Variants in DDC observed in about 807,000 individuals in gnomAD.
The protein encoded by DDC is dopa decarboxylase.
In DDC, 43 loss-of-function variants were observed where a neutral mutation model predicts 60.0. That is an observed-to-expected ratio of 0.72 (90% CI 0.56 to 0.92). DDC has a LOEUF of 0.92. Among genes scored for constraint, DDC ranks in the 40% least tolerant of loss-of-function variants. The pLI is 0.00. For synonymous variants in DDC, 232 were observed against 234.6 expected (o/e 0.99, Z 0.10); for missense variants, 573 against 620.2 (o/e 0.92, Z 0.81).
chr7:50,487,970 A>G (rs757864369), intron 9 of DDC, among the ~76,000 whole-genome samples: 1 of 152,152 alleles, frequency 6.6e-6, no homozygotes, highest in Non-Finnish European at 1.5e-5. Context: ...GGCATTTAAT[A>G]TTGTTGGTTT....
chr7:50,562,489 G>A (rs941070032), intron 1 of DDC, among the ~76,000 whole-genome samples: 36 of 152,250 alleles, frequency 2.4e-4, no homozygotes, highest in African/African-American at 8.7e-4. Context: ...CCCCAGCCGT[G>A]AGCATTGGAG....
chr7:50,460,548 G>A (rs1411126776), intron 14 of DDC, among the ~76,000 whole-genome samples: 2 of 151,618 alleles, frequency 1.3e-5, no homozygotes, highest in Non-Finnish European at 2.9e-5. Flanking sequence ...TCTGGGAGGT[G>A]TACCCAACAG....
At chr7:50,474,987 C>T (rs890554740) in intron 11 of DDC, among the ~76,000 whole-genome samples, 47 of 152,346 alleles carry the variant, frequency 3.1e-4, no homozygotes, top group African/African-American at 1.1e-3. Context: ...GGGACTTTCC[C>T]AGGGAAGTAG....
At chr7:50,488,313 T>C (rs2153537722) in intron 9 of DDC, among the ~76,000 whole-genome samples, 1 of 152,108 alleles carries the variant, frequency 6.6e-6, no homozygotes, top group South Asian at 2.1e-4. Flanking sequence ...AAAAACAATG[T>C]TTTCTTATTA....
intron 4 of DDC, 88 bp downstream of exon 4, chr7:50,537,772 A>C: frequency 6.6e-7 from 1 of 1,507,296 alleles, no homozygotes; most frequent in Admixed American, 1.7e-5. Context: ...ACTAACAAGA[A>C]GCATGAGTGC....
At chr7:50,464,839 T>C (rs1040270776) in intron 13 of DDC, among the ~76,000 whole-genome samples, 6 of 152,144 alleles carry the variant, frequency 3.9e-5, no homozygotes, top group African/African-American at 1.4e-4. Flanking sequence ...TGAGAGGACC[T>C]GAAATTCAGA....
chr7:50,551,269 C>A (rs1464322425), intron 1 of DDC, among the ~76,000 whole-genome samples: 1 of 145,312 alleles, frequency 6.9e-6, no homozygotes, highest in Admixed American at 7.1e-5. Context: ...CTCACTCTGT[C>A]GCCTAGGCTG....
At chr7:50,508,857 T>C (rs2043472093) in intron 6 of DDC, among the ~76,000 whole-genome samples, 1 of 152,068 alleles carries the variant, frequency 6.6e-6, no homozygotes, top group South Asian at 2.1e-4. Flanking sequence ...TGGCTGCCAG[T>C]TAAAGACAAC....
intron 10 of DDC, among the ~76,000 whole-genome samples, chr7:50,477,757 A>T (rs773330517): frequency 1.4e-4 from 22 of 152,310 alleles, no homozygotes; most frequent in Non-Finnish European, 2.9e-4. Context: ...ACCCATACAC[A>T]GTACTCTCCT....
At chr7:50,537,819 C>T in intron 4 of DDC, 41 bp downstream of exon 4, 1 of 1,613,552 alleles carries the variant, frequency 6.2e-7, no homozygotes, top group Non-Finnish European at 8.5e-7. Flanking sequence ...CTGTGCAGAG[C>T]CCATGCATCC....
At chr7:50,499,077 C>T in intron 8 of DDC, 71 bp downstream of exon 8, 2 of 1,192,396 alleles carry the variant, frequency 1.7e-6, no homozygotes, top group Non-Finnish European at 1.3e-6. Flanking sequence ...GACGTCAGCT[C>T]CTCATGAAGG....
chr7:50,534,024 G>A (rs2044307009), intron 4 of DDC, among the ~76,000 whole-genome samples: 1 of 152,262 alleles, frequency 6.6e-6, no homozygotes, highest in South Asian at 2.1e-4. Flanking sequence ...TTGAGTGCAA[G>A]CACAATGCTG....
At chr7:50,540,492 AAAC>A (rs2044591016) in intron 2 of DDC, among the ~76,000 whole-genome samples, 1 of 68,308 alleles carries the variant, frequency 1.5e-5, no homozygotes. Flanking sequence ...ACAAACAAAC[AAAC>A]AAAAAAAAAA....
At chr7:50,473,024 G>A (rs1297609858) in intron 11 of DDC, among the ~76,000 whole-genome samples, 9 of 152,214 alleles carry the variant, frequency 5.9e-5, no homozygotes, top group African/African-American at 2.2e-4. Context: ...ATGCTCTGGG[G>A]ACATTTGCCT....
At chr7:50,479,558 C>T (rs11575460) in intron 10 of DDC, among the ~76,000 whole-genome samples, 1 of 152,156 alleles carries the variant, frequency 6.6e-6, no homozygotes, top group Non-Finnish European at 1.5e-5. Context: ...CCAGCAGGTT[C>T]TCAGTGCTTC....
In DDC at chr7:50,467,207, G is replaced by T; in HGVS notation, c.1242+7C>A. 6.2e-7 allele frequency: 1 copy of T among 1,610,652 alleles called. No individual in the cohort carries two copies. Among genetic ancestry groups the T allele is most frequent in the South Asian group, 1.1e-5 (1 of 90,994 alleles). ...GAAAATGAAGAATGGAATAGATGTAGACAAACCTTTAGCCGAAAGCAGACA... is the reference window on the plus strand; with the variant it reads ...GAAAATGAAGAATGGAATAGATGTATACAAACCTTTAGCCGAAAGCAGACA... On this transcript the variant is annotated splice_region_variant and intron_variant, in intron 13 of 14. Transcript: ENST00000444124.
intron 6 of DDC, among the ~76,000 whole-genome samples, chr7:50,512,507 G>A (rs2043608012): frequency 6.6e-6 from 1 of 152,156 alleles, no homozygotes; most frequent in Non-Finnish European, 1.5e-5. Flanking sequence ...TTTAGCTCTA[G>A]TACAGTAGTA....
intron 11 of DDC, among the ~76,000 whole-genome samples, chr7:50,472,864 C>A (rs1044295225): frequency 2.0e-5 from 3 of 152,160 alleles, no homozygotes; most frequent in Non-Finnish European, 2.9e-5. Flanking sequence ...TCTCACTGGC[C>A]CAGTAGGCAG....
intron 12 of DDC, among the ~76,000 whole-genome samples, chr7:50,469,758 CA>C (rs754653593): frequency 3.9e-5 from 6 of 152,162 alleles, no homozygotes; most frequent in Non-Finnish European, 8.8e-5. Flanking sequence ...GTGGGTGGAT[CA>C]CCTGAAGCCA....
Sources: gnomAD v4.1 joint callset for allele counts (sites outside exome capture counted in the v4.1 genomes callset) on GRCh38, gnomAD v4.1.1 for gene constraint, MANE v1.5 for transcripts, NCBI Gene and HGNC (gene_info 2026-07-23, HGNC 2026-07-21) for gene names.